Variants in ZNF652 observed in about 807,000 individuals in gnomAD.
ZNF652 encodes the protein zinc finger protein 652.
A neutral mutation model predicts 45.2 loss-of-function variants in ZNF652; 16 were observed. That is an observed-to-expected ratio of 0.35 (90% CI 0.24 to 0.54). The LOEUF is 0.54. Ranked by LOEUF, ZNF652 falls within the 20% of genes least tolerant of loss-of-function variation. The pLI is 0.91. For missense variants in ZNF652, 614 were observed against 765.6 expected (o/e 0.80, Z 2.34); for synonymous variants, 250 against 260.6 (o/e 0.96, Z 0.39).
intron 1 of ZNF652, among the ~76,000 whole-genome samples, chr17:49,351,780 T>C (rs1238648291): frequency 6.6e-6 from 1 of 152,074 alleles, no homozygotes; most frequent in Admixed American, 6.6e-5. Flanking sequence ...CTCAGGAGTT[T>C]TGAGGCCAGC....
At chr17:49,351,027 A>ATATATATATG (rs2070275947) in intron 1 of ZNF652, among the ~76,000 whole-genome samples, 2 of 85,734 alleles carry the variant, frequency 2.3e-5, no homozygotes, top group Admixed American at 1.3e-4. Context: ...ACACACACAC[A>ATATATATATG]CACACACACA....
At chr17:49,312,515 A>C (rs917570512) in intron 3 of ZNF652, among the ~76,000 whole-genome samples, 183 bp downstream of exon 3, 3 of 152,146 alleles carry the variant, frequency 2.0e-5, no homozygotes, top group Non-Finnish European at 4.4e-5. Flanking sequence ...TGTTGAAAAG[A>C]AAGCTGGGTG....
chr17:49,318,697 TGAAACACGCAA>T (rs2069845423), intron 1 of ZNF652, among the ~76,000 whole-genome samples: 1 of 152,216 alleles, frequency 6.6e-6, no homozygotes. Flanking sequence ...GTGTTGGGCA[TGAAACACGCAA>T]GAGCTTTATA....
chr17:49,327,705 C>T (rs62076440), intron 1 of ZNF652, among the ~76,000 whole-genome samples: 27,199 of 127,752 alleles, frequency 0.21, 3,243 homozygotes, highest in South Asian at 0.29. Flanking sequence ...CATAATGAGA[C>T]CTCGTGTCTA....
chr17:49,318,081 T>C (rs1418733292), intron 1 of ZNF652, 98 bp from the exon 2 acceptor site: 1 of 158,302 alleles, frequency 6.3e-6, no homozygotes, highest in African/African-American at 2.4e-5. Flanking sequence ...TAAATAATAA[T>C]AATTATTATT....
chr17:49,334,725 G>A (rs1195448839), intron 1 of ZNF652, among the ~76,000 whole-genome samples: 2 of 151,304 alleles, frequency 1.3e-5, no homozygotes, highest in Admixed American at 1.3e-4. Flanking sequence ...GTTGCAGTGA[G>A]CTGAGATCTT....
At chr17:49,344,404 T>G (rs2070182587) in intron 1 of ZNF652, among the ~76,000 whole-genome samples, 1 of 150,910 alleles carries the variant, frequency 6.6e-6, no homozygotes, top group African/African-American at 2.4e-5. Flanking sequence ...TTCACTGATT[T>G]ATGTTGAAGA....
At chr17:49,350,985 A>ATG (rs2070267006) in intron 1 of ZNF652, among the ~76,000 whole-genome samples, 1 of 27,278 alleles carries the variant, frequency 3.7e-5, no homozygotes, top group Non-Finnish European at 6.8e-5. Context: ...ATATATATAT[A>ATG]TATATATATA....
At chr17:49,349,420 A>T (rs2143084506) in intron 1 of ZNF652, among the ~76,000 whole-genome samples, 1 of 152,278 alleles carries the variant, frequency 6.6e-6, no homozygotes, top group Non-Finnish European at 1.5e-5. Flanking sequence ...AAAAACAACA[A>T]AACAAATGTA....
intron 5 of ZNF652, among the ~76,000 whole-genome samples, chr17:49,305,931 C>T (rs1567915992): frequency 2.0e-5 from 3 of 152,214 alleles, no homozygotes; most frequent in African/African-American, 2.4e-5. Context: ...CCCACCAAAA[C>T]ACACTGCTGT....
intron 1 of ZNF652, among the ~76,000 whole-genome samples, chr17:49,340,057 A>G (rs1386321642): frequency 6.6e-6 from 1 of 152,222 alleles, no homozygotes; most frequent in Non-Finnish European, 1.5e-5. Context: ...TAAAGATGGG[A>G]GAAACAGCAT....
At chr17:49,338,508 C>A (rs1247426681) in intron 1 of ZNF652, among the ~76,000 whole-genome samples, 1 of 152,180 alleles carries the variant, frequency 6.6e-6, no homozygotes, top group Non-Finnish European at 1.5e-5. Context: ...CAACCCTAGA[C>A]TGAGGCGTCT....
intron 1 of ZNF652, among the ~76,000 whole-genome samples, chr17:49,360,892 G>T (rs1429518000): frequency 6.6e-6 from 1 of 152,176 alleles, no homozygotes; most frequent in Non-Finnish European, 1.5e-5. Context: ...TCACTCAGGT[G>T]TTCCTGAGGG....
chr17:49,351,032 C>CGT (rs1567700375), intron 1 of ZNF652, among the ~76,000 whole-genome samples: 2 of 117,854 alleles, frequency 1.7e-5, no homozygotes, highest in African/African-American at 7.2e-5. Context: ...CACACACACA[C>CGT]ACACACACAC....
At chr17:49,304,038 G>A (rs983152676) in intron 5 of ZNF652, among the ~76,000 whole-genome samples, 8 of 146,232 alleles carry the variant, frequency 5.5e-5, no homozygotes, top group African/African-American at 1.3e-4. Context: ...ACAGGCGCCC[G>A]CCACCATGCC....
At chr17:49,347,581 T>C (rs1420308311) in intron 1 of ZNF652, among the ~76,000 whole-genome samples, 1 of 151,678 alleles carries the variant, frequency 6.6e-6, no homozygotes, top group Non-Finnish European at 1.5e-5. Flanking sequence ...TATATAAAAT[T>C]TGCAACCCCT....
chr17:49,311,527 T>C, intron 4 of ZNF652, 71 bp from the exon 5 acceptor site: 1 of 1,470,596 alleles, frequency 6.8e-7, no homozygotes, highest in Non-Finnish European at 9.2e-7. Flanking sequence ...CCTAACACAG[T>C]CTCTGATACT....
chr17:49,309,318 C>A (rs1273605684), intron 5 of ZNF652, among the ~76,000 whole-genome samples: 2 of 133,868 alleles, frequency 1.5e-5, no homozygotes, highest in Middle Eastern at 3.4e-3. Context: ...ATGGTGAAAC[C>A]CTGTCTCTAC....
intron 1 of ZNF652, among the ~76,000 whole-genome samples, chr17:49,319,505 T>C (rs1203891806): frequency 6.6e-6 from 1 of 151,844 alleles, no homozygotes; most frequent in Non-Finnish European, 1.5e-5. Flanking sequence ...TAGCGGCTCA[T>C]GCCTGTAATT....
Sources: allele counts gnomAD v4.1 joint callset (sites outside exome capture counted in the v4.1 genomes callset), GRCh38; gene constraint gnomAD v4.1.1; transcripts MANE v1.5; gene names NCBI Gene and HGNC (gene_info 2026-07-23, HGNC 2026-07-21).